ACSBG1: variants seen among roughly 807,000 people sequenced by gnomAD.
The protein encoded by ACSBG1 is long-chain-fatty-acid--CoA ligase ACSBG1.
A neutral mutation model predicts 80.2 loss-of-function variants in ACSBG1; 39 were observed. That is an observed-to-expected ratio of 0.49 (90% confidence interval 0.38 to 0.64). The LOEUF (loss-of-function observed/expected upper bound fraction) is 0.64. Ranked by LOEUF, ACSBG1 falls within the 30% of genes least tolerant of loss-of-function variation. The pLI, the probability that ACSBG1 is intolerant of heterozygous loss-of-function variation, is 0.00. For missense variants in ACSBG1, 828 were observed against 966.4 expected (o/e 0.86, Z 1.90); for synonymous variants, 392 against 379.5 (o/e 1.03, Z -0.38).
At chr15:78,219,163 A>G (rs2075338471) in intron 1 of ACSBG1, among the ~76,000 whole-genome samples, 2 of 152,152 alleles carry the variant, frequency 1.3e-5, no homozygotes, top group Non-Finnish European at 1.5e-5. Context: ...GTGAAGCTCT[A>G]TGAGGTCCTT....
At chr15:78,215,658 G>C (rs2075301344) in intron 1 of ACSBG1, among the ~76,000 whole-genome samples, 1 of 134,922 alleles carries the variant, frequency 7.4e-6, no homozygotes, top group Non-Finnish European at 1.6e-5. Flanking sequence ...CTTCGAAAAA[G>C]AAAGAAAAGA....
Position 78,214,114 on chromosome 15 carries a change from T to G in ACSBG1, c.132-6012A>C, listed in dbSNP as rs532429896. Among the ~76,000 whole-genome samples the G allele has an allele frequency of 2.0e-5, 3 of 152,228 alleles. No homozygotes were observed. In the East Asian group the frequency reaches 5.8e-4, roughly 29 times the overall value. On this transcript the variant is annotated intron_variant, in intron 1 of 13. Transcript: ENST00000258873. ...AGCCCCTGTTCCATGGTAACAAATA[T>G]CCCTGCACCTTGCGCTGTGCCTTCT... is the stretch of plus-strand genomic sequence containing the variant.
Position 78,193,567 on chromosome 15 carries a change from TA to T in ACSBG1, c.601del (p.Tyr201MetfsTer20), listed in dbSNP as rs1567086277. The T allele has an allele frequency of 6.2e-7, 1 of 1,613,816 alleles. No homozygotes were observed. On this transcript the variant is annotated frameshift_variant, in exon 5 of 14. Coordinates refer to ENST00000258873, the MANE Select transcript of ACSBG1 (RefSeq NM_015162.5). LOFTEE classifies it high-confidence loss of function. ...CATGATGACATTGGCGCAGCAGTCA[TA>T]AGCGATGTACTGGCAGGCCTCTGGG... Reference protein sequence around the residue: ...SSPEACQYIAYDCCANVIMVD... With the variant: ...SSPEACQYIAXDCCANVIMVD...
intron 1 of ACSBG1, among the ~76,000 whole-genome samples, chr15:78,227,445 A>G (rs1414470679): frequency 1.3e-5 from 2 of 152,184 alleles, no homozygotes; most frequent in Non-Finnish European, 2.9e-5. Context: ...CAATAAGCAC[A>G]TGAAAATATG....
At position 78,178,978 on chromosome 15, in the gene ACSBG1, C is replaced by G. The variant is rs2868606; in HGVS notation, c.1485-147G>C. ...CTTTTGTATTTTTACAGGGGACTTA[C>G]AGCTGAAAGGTAGAGCCAAGTAAAG... On this transcript the variant is annotated intron_variant, in intron 10 of 13. Transcript: ENST00000258873. This position sits in a 1 kb window ranked among gnomAD's most constrained non-coding sequence, Gnocchi z 4.3. The G allele has an allele frequency of 1, 763,322 of 763,360 alleles. 381,642 individuals are homozygous for G. The highest frequency in any genetic ancestry group is 1 in the Middle Eastern group (2,580 of 2,580). The allele number at this position is 763,360 out of a possible 1,614,324, so 47.3% of individuals were successfully genotyped here.
Position 78,177,516 on chromosome 15 carries a change from G to T in ACSBG1, c.1702+1098C>A, listed in dbSNP as rs188298307. 1.7e-3 allele frequency among the ~76,000 whole-genome samples: 262 copies of T among 152,260 alleles called. No individual in the cohort carries two copies. Among genetic ancestry groups the T allele is most frequent in the African/African-American group, 6.0e-3 (248 of 41,544 alleles). On this transcript the variant is annotated intron_variant, in intron 11 of 13. Coordinates refer to ENST00000258873, the MANE Select transcript of ACSBG1 (RefSeq NM_015162.5). This position sits in a 1 kb window ranked among gnomAD's most constrained non-coding sequence, Gnocchi z 4.1. Reference sequence around the variant, plus strand: ...TCTGGCTACTATCCTCCCCCATGCAGGGATGTGGGTCCCCTCATCGGCCAT... The same window carrying T: ...TCTGGCTACTATCCTCCCCCATGCATGGATGTGGGTCCCCTCATCGGCCAT...
At position 78,179,651 on chromosome 15, in the gene ACSBG1, G is replaced by A. The variant is rs1374367202; in HGVS notation, c.1383C>T (p.His461=). The A allele has an allele frequency of 6.2e-7, 1 of 1,614,190 alleles. No individual in the cohort carries two copies. Among genetic ancestry groups the A allele is most frequent in the Non-Finnish European group, 8.5e-7 (1 of 1,180,026 alleles). The change falls in exon 10 of 14, where the codon CAC becomes CAT. Residue 461 remains histidine, a synonymous_variant. Transcript: ENST00000258873. ...AGCGGATGTTGAGACCCAGGAAGAAGTGCTGTGTCTCTGCCATCATGGGGG... is the reference window on the plus strand; with the variant it reads ...AGCGGATGTTGAGACCCAGGAAGAAATGCTGTGTCTCTGCCATCATGGGGG... ...GAAPMMAETQ[H]FFLGLNIRLY...
Position 78,178,472 on chromosome 15 carries a change from G to A in ACSBG1, c.1702+142C>T, listed in dbSNP as rs569097682. 2.9e-5 allele frequency: 26 copies of A among 893,638 alleles called. No individual in the cohort carries two copies. The highest frequency in any genetic ancestry group is 9.3e-5 in the South Asian group (5 of 53,650). The allele number at this position is 893,638 out of a possible 1,614,324, so 55.4% of individuals were successfully genotyped here. A position where few individuals can be genotyped will look rare whatever the true frequency, so the allele number is the denominator to read the frequency against. On this transcript the variant is annotated intron_variant, in intron 11 of 13. Coordinates refer to ENST00000258873, the MANE Select transcript of ACSBG1 (RefSeq NM_015162.5). The surrounding 1 kb of genome is among the most constrained non-coding windows in gnomAD (Gnocchi z 4.3). The stretch of plus-strand genomic sequence containing the variant: ...TGCCACCACGCCCAGCTAATTTTTC[G>A]TGTGTTTTTAGTAGAGATGGGGTTT...
chr15:78,205,321 T>C (rs59184904), intron 2 of ACSBG1, among the ~76,000 whole-genome samples: 4,725 of 152,022 alleles, frequency 0.031, 137 homozygotes, highest in South Asian at 0.081. Context: ...CTCAAACTTT[T>C]TGGGACCTCA....
At chr15:78,181,907 GA>G in intron 8 of ACSBG1, 61 bp downstream of exon 8, 1 of 1,564,672 alleles carries the variant, frequency 6.4e-7, no homozygotes. Context: ...AGGGCCCACA[GA>G]CACATGTGGA....
intron 1 of ACSBG1, among the ~76,000 whole-genome samples, chr15:78,214,366 G>A (rs181621589): frequency 1.1e-4 from 16 of 152,280 alleles, no homozygotes; most frequent in African/African-American, 3.1e-4. Flanking sequence ...TGCCTCTGGC[G>A]TGAGTGAGGT....
chr15:78,179,472 C>T (rs1276791589), intron 10 of ACSBG1, 78 bp downstream of exon 10: 12 of 1,359,030 alleles, frequency 8.8e-6, no homozygotes, highest in Admixed American at 1.9e-5. Context: ...AGGGGATCCC[C>T]AGGGCACTCA....
chr15:78,234,465 G>A lies in ACSBG1; in HGVS notation c.37C>T (p.His13Tyr), dbSNP rs1366207033. 1.9e-6 allele frequency: 3 copies of A among 1,612,482 alleles called. No individual in the cohort carries two copies. Among genetic ancestry groups the A allele is most frequent in the Non-Finnish European group, 2.5e-6 (3 of 1,180,016 alleles). Residue 13 changes from histidine (H) to tyrosine (Y), a missense_variant, in exon 1 of 14, where the codon CAC becomes TAC. This residue lies in a region of ACSBG1 where 356 missense variants were observed against 363.5 expected (regional missense o/e 0.98). Coordinates refer to ENST00000258873, the MANE Select transcript of ACSBG1 (RefSeq NM_015162.5). Reference protein sequence around the residue: ...RNSGAGYGCPHGDPSMLDSRE... With the variant: ...RNSGAGYGCPYGDPSMLDSRE... Reference sequence around the variant, plus strand: ...CTGTCCAGCATGCTGGGGTCCCCGTGTGGGCAGCCGTATCCAGCTCCAGAA... The same window carrying A: ...CTGTCCAGCATGCTGGGGTCCCCGTATGGGCAGCCGTATCCAGCTCCAGAA...
intron 4 of ACSBG1, 56 bp from the exon 5 acceptor site, chr15:78,193,682 T>TGCCCCCCCCCCCCCACATGAGCC: frequency 6.4e-7 from 1 of 1,560,282 alleles, no homozygotes. Flanking sequence ...GCCACCCCCT[T>TGCCCCCCCCCCCCCACATGAGCC]CCCCCACCCC....
intron 5 of ACSBG1, among the ~76,000 whole-genome samples, chr15:78,189,573 A>G (rs549254886): frequency 1.3e-5 from 2 of 152,204 alleles, no homozygotes; most frequent in East Asian, 3.9e-4. Context: ...TCGCAAGAAC[A>G]AAAAAACCAA....
In ACSBG1 at chr15:78,187,625, C is replaced by T. The variant is rs933418119; in HGVS notation, c.664-4840G>A. Reference sequence around the variant, plus strand: ...AAAGGCCTTTGACAAAATTCAACAACCCTTCATGATAAAAACTCTCAATAA... The same window carrying T: ...AAAGGCCTTTGACAAAATTCAACAATCCTTCATGATAAAAACTCTCAATAA... On this transcript the variant is annotated intron_variant, in intron 5 of 13. Coordinates refer to ENST00000258873, the MANE Select transcript of ACSBG1 (RefSeq NM_015162.5). Among the ~76,000 whole-genome samples the T allele has an allele frequency of 4.4e-4, 67 of 152,232 alleles. 1 individual carries two copies. The highest frequency in any genetic ancestry group is 6.8e-3 in the Middle Eastern group (2 of 294).
Position 78,182,105 on chromosome 15 carries a change from A to G in ACSBG1, c.935T>C (p.Ile312Thr), listed in dbSNP as rs2074951655. 3 of 1,612,260 alleles carry G rather than the reference A, an allele frequency of 1.9e-6. No individual in the cohort carries two copies. Among genetic ancestry groups the G allele is most frequent in the Non-Finnish European group, 2.5e-6 (3 of 1,179,980 alleles). Residue 312 changes from isoleucine (I) to threonine (T), a missense_variant, in exon 8 of 14, where the codon ATC becomes ACC. Coordinates refer to ENST00000258873, the MANE Select transcript of ACSBG1 (RefSeq NM_015162.5). ...TARYGSQAGD[I>T]RPAEVQQEVV... Reference sequence around the variant, plus strand: ...CTCCTGCTGGACTTCTGCCGGCCGGATGTCACCGGCCTGGCTGCCGTACCG... The same window carrying G: ...CTCCTGCTGGACTTCTGCCGGCCGGGTGTCACCGGCCTGGCTGCCGTACCG...
intron 2 of ACSBG1, among the ~76,000 whole-genome samples, chr15:78,197,737 A>T (rs1282624074): frequency 2.6e-5 from 4 of 151,260 alleles, no homozygotes; most frequent in African/African-American, 7.3e-5. Flanking sequence ...AAAAAAAAAA[A>T]AAAAAATAGA....
At chr15:78,219,280 C>A (rs2075339978) in intron 1 of ACSBG1, among the ~76,000 whole-genome samples, 1 of 151,884 alleles carries the variant, frequency 6.6e-6, no homozygotes, top group Non-Finnish European at 1.5e-5. Flanking sequence ...TGGTGGTGCA[C>A]ACCTGTGATC....
Sources: allele counts gnomAD v4.1 joint callset (sites outside exome capture counted in the v4.1 genomes callset), GRCh38; gene constraint gnomAD v4.1.1; regional missense constraint gnomAD v4.1.1; non-coding constraint Gnocchi (gnomAD v3.1); transcripts MANE v1.5; gene names NCBI Gene and HGNC (gene_info 2026-07-23, HGNC 2026-07-21).